Variants in CEP83 observed in about 807,000 individuals in gnomAD.
The protein encoded by CEP83 is centrosomal protein of 83 kDa.
Under a neutral mutation model 101.9 loss-of-function variants are expected in CEP83, and 70 were observed. The observed-to-expected ratio is 0.69, with a 90% CI of 0.57 to 0.84. CEP83 has a LOEUF of 0.84. CEP83 is among the 40% of genes least tolerant of loss of function. The probability of loss-of-function intolerance (pLI) is 0.00; values close to 1 mark genes in which losing one functional copy is unlikely to be tolerated. For synonymous variants in CEP83, 264 were observed against 267.9 expected (o/e 0.99, Z 0.14); for missense variants, 715 against 787.2 (o/e 0.91, Z 1.10).
In CEP83 at chr12:94,308,902, T is replaced by C. The variant is rs752937890; in HGVS notation, c.2017A>G (p.Arg673Gly). 6.2e-7 allele frequency: 1 copy of C among 1,609,824 alleles called. No individual in the cohort carries two copies. Among genetic ancestry groups the C allele is most frequent in the Non-Finnish European group, 8.5e-7 (1 of 1,176,456 alleles). ...CTTTTGCGAAGTAGAGAGAGTTCCC[T>C]TTGATGTTGTTCCTCCTTAAAATGA... ...PPHMQEEQHQRELSLLRKRLE... is the reference protein window; with the variant it reads ...PPHMQEEQHQGELSLLRKRLE... Residue 673 changes from arginine to glycine, a missense_variant, in exon 17 of 17, where the codon AGG (arginine) becomes GGG (glycine). Coordinates refer to ENST00000397809, the MANE Select transcript of CEP83 (RefSeq NM_016122.3).
intron 6 of CEP83, among the ~76,000 whole-genome samples, chr12:94,396,685 G>A (rs997722282): frequency 6.6e-6 from 1 of 151,988 alleles, no homozygotes; most frequent in African/African-American, 2.4e-5. Context: ...GTGTATTCCT[G>A]GAGTCCCTCT....
At position 94,375,965 on chromosome 12, in the gene CEP83, T is replaced by G. The variant is rs1483658487; in HGVS notation, c.854A>C (p.Gln285Pro). Residue 285 changes from glutamine (Q) to proline (P), a missense_variant, in exon 8 of 17, where the codon CAA (glutamine) becomes CCA (proline). Gln to Pro is a moderately conservative substitution (Grantham distance 76). Coordinates refer to ENST00000397809, the MANE Select transcript of CEP83 (RefSeq NM_016122.3). ...LRAERLEKEL[Q>P]SSSEQNTFLI... ...AAAGGTATTTTGTTCACTGCTTGAT[T>G]GTAGCTCTTTTTCCAAACGTTCTGC... 3.2e-6 allele frequency: 5 copies of G among 1,570,288 alleles called. No individual in the cohort carries two copies. In the South Asian group the frequency reaches 4.7e-5, roughly 15 times the overall value.
At chr12:94,320,268 A>AT (rs1314700462) in intron 14 of CEP83, among the ~76,000 whole-genome samples, 1 of 152,162 alleles carries the variant, frequency 6.6e-6, no homozygotes, top group East Asian at 1.9e-4. Context: ...TGAAGACAGC[A>AT]TATCACTGGG....
intron 14 of CEP83, among the ~76,000 whole-genome samples, chr12:94,319,691 G>A (rs1971319152): frequency 6.6e-6 from 1 of 152,058 alleles, no homozygotes; most frequent in African/African-American, 2.4e-5. Context: ...TATATTTTTA[G>A]TCTTGATTTC....
At chr12:94,373,637 A>G (rs1345517977) in intron 8 of CEP83, among the ~76,000 whole-genome samples, 1 of 152,194 alleles carries the variant, frequency 6.6e-6, no homozygotes, top group East Asian at 1.9e-4. Context: ...AGGGAACTAG[A>G]AGAATTTACC....
Position 94,375,912 on chromosome 12 carries a change from G to A in CEP83, c.907C>T (p.Arg303Ter), listed in dbSNP as rs757301110. 2.2e-5 allele frequency: 33 copies of A among 1,503,342 alleles called. No individual in the cohort carries two copies. The highest frequency in any genetic ancestry group is 1.1e-4 in the African/African-American group (8 of 71,552). The allele number at this position is 1,503,342 out of a possible 1,614,324, so 93.1% of individuals were successfully genotyped here. A position where few individuals can be genotyped will look rare whatever the true frequency, so the allele number is the denominator to read the frequency against. Residue 303 changes from arginine (R) to a stop codon, truncating the protein, a stop_gained, in exon 8 of 17, where the codon CGA becomes TGA. Coordinates refer to ENST00000397809, the MANE Select transcript of CEP83 (RefSeq NM_016122.3). LOFTEE classifies it high-confidence loss of function. The part of the protein sequence containing the change: ...FLINKLHKAE[R>*]EINTLSSKVK... ...TTACTGGACAATGTATTTATTTCTC[G>A]TTCAGCTTTATGCAATTTATTAATT...
chr12:94,381,641 G>C (rs2061855557), intron 6 of CEP83, among the ~76,000 whole-genome samples: 1 of 152,088 alleles, frequency 6.6e-6, no homozygotes, highest in Admixed American at 6.6e-5. Flanking sequence ...ATATGGGTAA[G>C]AGAAAAGGCT....
chr12:94,335,616 T>C lies in CEP83; in HGVS notation c.1392A>G (p.Glu464=), dbSNP rs2136541098. ...GTTTTAGGTCAGAATTTTCATTTTT[T>C]TCCTTCTCTGCATTTTCAATAGTCA... is the stretch of plus-strand genomic sequence containing the variant. ...QIVTIENAEK[E]KNENSDLKQQ... is the part of the protein sequence containing the mutation. The change falls in exon 12 of 17, where the codon GAA becomes GAG. Residue 464 remains glutamate (E), a synonymous_variant. Coordinates refer to ENST00000397809, the MANE Select transcript of CEP83 (RefSeq NM_016122.3). 1 of 1,587,286 alleles carries C rather than the reference T, an allele frequency of 6.3e-7. No homozygotes were observed. The highest frequency in any genetic ancestry group is 8.6e-7 in the Non-Finnish European group (1 of 1,166,462).
intron 11 of CEP83, among the ~76,000 whole-genome samples, chr12:94,347,575 TAAA>T (rs2136709497): frequency 6.6e-6 from 1 of 152,252 alleles, no homozygotes; most frequent in African/African-American, 2.4e-5. Context: ...CAAGGAGAAA[TAAA>T]AACATATTTC....
chr12:94,372,218 C>T (rs1290095236), intron 8 of CEP83, among the ~76,000 whole-genome samples: 2 of 152,120 alleles, frequency 1.3e-5, no homozygotes, highest in African/African-American at 2.4e-5. Context: ...GTGATCCATC[C>T]GCCTCGGCCT....
intron 11 of CEP83, chr12:94,361,255 A>G (rs995822493): frequency 6.6e-6 from 1 of 152,232 alleles, no homozygotes; most frequent in Non-Finnish European, 1.5e-5. Context: ...AGTCTCAGCT[A>G]CTTGGGAAGC....
At chr12:94,355,882 A>G (rs540265087) in intron 11 of CEP83, among the ~76,000 whole-genome samples, 1 of 152,336 alleles carries the variant, frequency 6.6e-6, no homozygotes, top group African/African-American at 2.4e-5. Flanking sequence ...TTAATTTAAT[A>G]TCTATAGAAA....
chr12:94,289,047 C>T, the CEP83 span, among the ~76,000 whole-genome samples: 3 of 152,096 alleles, frequency 2.0e-5, no homozygotes, highest in Non-Finnish European at 4.4e-5. Flanking sequence ...CCATTTTTAC[C>T]TACAAAAGTG....
chr12:94,329,664 G>A (rs1355877155), intron 14 of CEP83, among the ~76,000 whole-genome samples: 2 of 152,112 alleles, frequency 1.3e-5, no homozygotes, highest in Non-Finnish European at 2.9e-5. Flanking sequence ...CTGTAACACG[G>A]CTTCAGATGT....
At chr12:94,436,528 C>T (rs188719329) in intron 1 of CEP83, among the ~76,000 whole-genome samples, 1 of 152,112 alleles carries the variant, frequency 6.6e-6, no homozygotes, top group African/African-American at 2.4e-5. Context: ...CCCAATCTGA[C>T]AAAGACAAAG....
the CEP83 span, among the ~76,000 whole-genome samples, chr12:94,293,020 A>G: frequency 9.2e-5 from 14 of 152,186 alleles, no homozygotes; most frequent in Non-Finnish European, 2.1e-4. Context: ...TCTTCTCCAA[A>G]TATCTAACAT....
chr12:94,338,966 T>C (rs546708951), intron 11 of CEP83, among the ~76,000 whole-genome samples: 2 of 152,036 alleles, frequency 1.3e-5, no homozygotes, highest in East Asian at 3.9e-4. Flanking sequence ...TTTCTTTTTT[T>C]TTTTTTCTTT....
chr12:94,405,731 T>C (rs1377534958), intron 4 of CEP83, among the ~76,000 whole-genome samples: 3 of 151,622 alleles, frequency 2.0e-5, no homozygotes, highest in East Asian at 1.9e-4. Context: ...GCTTTGAGAG[T>C]TTTCAGGACC....
At chr12:94,418,209 A>T (rs2064437118) in intron 2 of CEP83, among the ~76,000 whole-genome samples, 1 of 152,062 alleles carries the variant, frequency 6.6e-6, no homozygotes, top group Non-Finnish European at 1.5e-5. Flanking sequence ...TAAAAACACA[A>T]AAATTAGCCA....
Sources: gnomAD v4.1 joint callset for allele counts (sites outside exome capture counted in the v4.1 genomes callset) on GRCh38, gnomAD v4.1.1 for gene constraint, MANE v1.5 for transcripts, NCBI Gene and HGNC (gene_info 2026-07-23, HGNC 2026-07-21) for gene names.